The following MACROD2 variants were observed in gnomAD, a reference collection of about 807,000 sequenced individuals.
MACROD2 encodes mono-ADP ribosylhydrolase 2.
Under a neutral mutation model 70.4 loss-of-function variants are expected in MACROD2, and 36 were observed. The ratio of observed to expected loss-of-function variants is 0.51; its 90% CI spans 0.39 to 0.68. The LOEUF (loss-of-function observed/expected upper bound fraction) is 0.68. Ranked by LOEUF, MACROD2 falls within the 30% of genes least tolerant of loss-of-function variation. The pLI is 0.00. For missense variants in MACROD2, 496 were observed against 538.4 expected, an observed-to-expected ratio of 0.92 and a Z score of 0.78; for synonymous variants, 172 against 178.8, an observed-to-expected ratio of 0.96 and a Z score of 0.30.
chr20:14,710,094 G>C (rs2071319795), intron 5 of MACROD2, among the ~76,000 whole-genome samples: 1 of 152,158 alleles, frequency 6.6e-6, no homozygotes, highest in Admixed American at 6.5e-5. Flanking sequence ...AAGAAATCCA[G>C]GGACAGCAGC....
intron 3 of MACROD2, among the ~76,000 whole-genome samples, chr20:14,146,049 G>A (rs1266851927): frequency 2.6e-5 from 4 of 152,140 alleles, no homozygotes; most frequent in Non-Finnish European, 5.9e-5. Context: ...GTGGCCAGGC[G>A]CGGTGGCTCA....
At chr20:14,730,867 T>A (rs143746277) in intron 5 of MACROD2, among the ~76,000 whole-genome samples, 5 of 152,234 alleles carry the variant, frequency 3.3e-5, no homozygotes, top group Non-Finnish European at 7.4e-5. Flanking sequence ...CTTTCTATTA[T>A]TCCAGAGGTG....
At chr20:15,136,777 C>A (rs991937341) in intron 5 of MACROD2, among the ~76,000 whole-genome samples, 1 of 152,054 alleles carries the variant, frequency 6.6e-6, no homozygotes, top group Non-Finnish European at 1.5e-5. Context: ...GAACAGGCAA[C>A]CTACAGAATG....
intron 8 of MACROD2, among the ~76,000 whole-genome samples, chr20:15,570,210 C>T (rs2146624278): frequency 6.6e-6 from 1 of 152,202 alleles, no homozygotes; most frequent in South Asian, 2.1e-4. Context: ...TGTTGTCTTT[C>T]ATATTTTTTA....
intron 6 of MACROD2, among the ~76,000 whole-genome samples, chr20:15,292,782 T>G (rs1336002734): frequency 6.6e-6 from 1 of 152,238 alleles, no homozygotes; most frequent in Non-Finnish European, 1.5e-5. Flanking sequence ...GTTATACTAA[T>G]TTATATAATG....
chr20:15,021,270 G>A (rs372734762), intron 5 of MACROD2, among the ~76,000 whole-genome samples: 3,324 of 100,712 alleles, frequency 0.033, 664 homozygotes, highest in Admixed American at 0.052. Context: ...ACCTGTGTGT[G>A]TGTATACGCA....
intron 6 of MACROD2, among the ~76,000 whole-genome samples, chr20:15,292,528 A>C (rs774534110): frequency 1.3e-5 from 2 of 152,164 alleles, no homozygotes; most frequent in Non-Finnish European, 2.9e-5. Flanking sequence ...ACACAGCCAA[A>C]CCCTATAACA....
At chr20:14,144,739 A>G (rs2054924023) in intron 3 of MACROD2, among the ~76,000 whole-genome samples, 1 of 152,170 alleles carries the variant, frequency 6.6e-6, no homozygotes, top group African/African-American at 2.4e-5. Flanking sequence ...AGCAGCCTGC[A>G]TTTTTTTGTT....
chr20:15,241,414 T>C (rs781147730), intron 6 of MACROD2, among the ~76,000 whole-genome samples: 1 of 152,192 alleles, frequency 6.6e-6, no homozygotes, highest in Non-Finnish European at 1.5e-5. Context: ...GGCAATTATC[T>C]CATTACCATT....
intron 3 of MACROD2, among the ~76,000 whole-genome samples, chr20:14,152,773 G>C (rs535946372): frequency 6.6e-6 from 1 of 152,052 alleles, no homozygotes. Flanking sequence ...ATTAGTCCAG[G>C]TACTGATGCT....
chr20:14,435,514 G>T (rs115889437), intron 3 of MACROD2, among the ~76,000 whole-genome samples: 1 of 152,190 alleles, frequency 6.6e-6, no homozygotes, highest in African/African-American at 2.4e-5. Context: ...TTCTCGACCA[G>T]ATGCCAATTT....
chr20:14,454,284 T>C (rs1166035591), intron 3 of MACROD2, among the ~76,000 whole-genome samples: 1 of 152,058 alleles, frequency 6.6e-6, no homozygotes, highest in Non-Finnish European at 1.5e-5. Context: ...TATTGGTATG[T>C]ATGAGTAATT....
chr20:15,899,551 A>C (rs2065033180), intron 10 of MACROD2, among the ~76,000 whole-genome samples: 1 of 152,188 alleles, frequency 6.6e-6, no homozygotes, highest in Admixed American at 6.5e-5. Context: ...ACAAGAACTA[A>C]ATGGACTATA....
intron 5 of MACROD2, among the ~76,000 whole-genome samples, chr20:14,904,481 A>T (rs6042988): frequency 2.6e-5 from 4 of 151,984 alleles, no homozygotes; most frequent in African/African-American, 7.2e-5. Context: ...ACATATATGC[A>T]TTATGCATAT....
chr20:15,989,089 T>A (rs1383112074), intron 15 of MACROD2, among the ~76,000 whole-genome samples: 1 of 152,150 alleles, frequency 6.6e-6, no homozygotes, highest in African/African-American at 2.4e-5. Flanking sequence ...GCAAATTTAA[T>A]AAGTAAAACG....
intron 4 of MACROD2, among the ~76,000 whole-genome samples, chr20:14,539,745 T>G (rs1210207256): frequency 6.6e-6 from 1 of 152,228 alleles, no homozygotes; most frequent in Non-Finnish European, 1.5e-5. Context: ...GCTGCTAATG[T>G]ATAGACAATT....
At chr20:15,130,972 A>C (rs553241713) in intron 5 of MACROD2, among the ~76,000 whole-genome samples, 1 of 152,074 alleles carries the variant, frequency 6.6e-6, no homozygotes. Context: ...CAGAGAGGAG[A>C]TGGCAAAACT....
At chr20:14,093,615 C>A (rs1487240587) in intron 3 of MACROD2, among the ~76,000 whole-genome samples, 2 of 150,550 alleles carry the variant, frequency 1.3e-5, no homozygotes, top group East Asian at 3.9e-4. Context: ...TACGGTTAAA[C>A]AAACAGATTT....
At chr20:14,470,626 G>A (rs532311624) in intron 3 of MACROD2, among the ~76,000 whole-genome samples, 8 of 152,252 alleles carry the variant, frequency 5.3e-5, no homozygotes, top group African/African-American at 1.7e-4. Context: ...CCTGCCTAGG[G>A]TGGAGGAATC....
Sources: allele counts gnomAD v4.1 joint callset (sites outside exome capture counted in the v4.1 genomes callset), GRCh38; gene constraint gnomAD v4.1.1; transcripts MANE v1.5; gene names NCBI Gene and HGNC (gene_info 2026-07-23, HGNC 2026-07-21).